Variants in ROBO1 observed in about 807,000 individuals in gnomAD.
ROBO1 encodes roundabout guidance receptor 1, also known as roundabout homolog 1.
In ROBO1, 149 loss-of-function variants were observed where a neutral mutation model predicts 195.9. The ratio of observed to expected loss-of-function variants is 0.76; its 90% CI spans 0.67 to 0.87. ROBO1 has a LOEUF of 0.87. ROBO1 is among the 40% of genes least tolerant of loss of function. The pLI is 0.00. For missense variants in ROBO1, 1,933 were observed against 2,068.3 expected, an observed-to-expected ratio of 0.93 and a Z score of 1.27; for synonymous variants, 816 against 733.2, an observed-to-expected ratio of 1.11 and a Z score of -1.82.
rs1207467874 is a variant in ROBO1 at position 78,696,656 on chromosome 3, ATATATATACACATATATATACATG to A, written c.1046-7908_1046-7885del. ...CATGCATATATATATATATATACAC[ATATATATACACATATATATACATG>A]TATACATACATATATATATACACAT... On this transcript the variant is annotated intron_variant, in intron 8 of 30. Transcript: ENST00000464233. Among the ~76,000 whole-genome samples the A allele has an allele frequency of 4.9e-3, 717 of 147,630 alleles. 11 individuals are homozygous for A. The highest frequency in any genetic ancestry group is 0.045 in the Admixed American group (666 of 14,720).
intron 2 of ROBO1, among the ~76,000 whole-genome samples, chr3:79,182,472 C>T (rs535563224): frequency 2.6e-5 from 4 of 152,066 alleles, no homozygotes; most frequent in South Asian, 2.1e-4. Context: ...TAGGGATTCA[C>T]GATTCAGAGA....
chr3:79,640,356 A>T (rs1220982494), intron 1 of ROBO1, among the ~76,000 whole-genome samples: 2 of 62,526 alleles, frequency 3.2e-5, no homozygotes, highest in Admixed American at 1.6e-4. Flanking sequence ...CATGTAAAAC[A>T]TGCTTTGCCT....
intron 4 of ROBO1, among the ~76,000 whole-genome samples, chr3:78,747,279 A>G (rs555704431): frequency 6.6e-6 from 1 of 152,294 alleles, no homozygotes; most frequent in East Asian, 1.9e-4. Context: ...GCCACAGGAT[A>G]ATGCTTTCTA....
Position 78,983,806 on chromosome 3 carries a change from T to C in ROBO1, c.173-44879A>G, listed in dbSNP as rs578123227. On this transcript the variant is annotated intron_variant, in intron 3 of 30. Transcript: ENST00000464233. The stretch of plus-strand genomic sequence containing the variant: ...ACTTGAGAAACTAGCGCCATCTTGG[T>C]TTCAGCTGGAGGGCGACTGGAGTGG... Among the ~76,000 whole-genome samples the C allele has an allele frequency of 3.3e-5, 5 of 152,222 alleles. No homozygotes were observed. In the South Asian group the frequency reaches 1.0e-3, roughly 32 times the overall value.
chr3:79,428,070 T>C lies in ROBO1; in HGVS notation c.88+161754A>G, dbSNP rs527414215. ...ATAAGGGATTAATAACCAGAATATA[T>C]GAGGAATTTATAAGGAGCTCAAACA... is the stretch of plus-strand genomic sequence containing the variant. On this transcript the variant is annotated intron_variant, in intron 2 of 30. Coordinates refer to ENST00000464233, the MANE Select transcript of ROBO1 (RefSeq NM_002941.4). 1.8e-4 allele frequency among the ~76,000 whole-genome samples: 27 copies of C among 152,146 alleles called. No individual in the cohort carries two copies. The South Asian group carries it at 5.6e-3, about 32-fold the overall frequency.
In ROBO1 at chr3:79,402,232, G is replaced by T. The variant is rs191878502; in HGVS notation, c.88+187592C>A. On this transcript the variant is annotated intron_variant, in intron 2 of 30. Transcript: ENST00000464233. ...TTAGATTTTTTCAATTTGGAGATAA[G>T]TTCTGATTCCATTAAAAATATATTC... Among the ~76,000 whole-genome samples, 434 of 151,930 alleles carry T rather than the reference G, an allele frequency of 2.9e-3. 2 individuals carry two copies. The highest frequency in any genetic ancestry group is 9.1e-3 in the African/African-American group (376 of 41,512).
chr3:78,648,395 C>A (rs1008165056), intron 19 of ROBO1, among the ~76,000 whole-genome samples: 1 of 151,974 alleles, frequency 6.6e-6, no homozygotes, highest in Non-Finnish European at 1.5e-5. Flanking sequence ...TAGAAGTAGG[C>A]TGGACATTCT....
intron 2 of ROBO1, among the ~76,000 whole-genome samples, chr3:79,585,536 C>T (rs1943801115): frequency 6.6e-6 from 1 of 151,942 alleles, no homozygotes; most frequent in Non-Finnish European, 1.5e-5. Flanking sequence ...CCAGTAGTGG[C>T]ATCAAATCTG....
At position 78,997,705 on chromosome 3, in the gene ROBO1, C is replaced by G. The variant is rs902965244; in HGVS notation, c.173-58778G>C. Among the ~76,000 whole-genome samples, 10 of 152,222 alleles carry G rather than the reference C, an allele frequency of 6.6e-5. No homozygotes were observed. The East Asian group carries it at 1.7e-3, about 26-fold the overall frequency. ...CACCACAGTAGCACACAGAAGGGGC[C>G]AACTCACCTAGACTTGAAGAATTGG... On this transcript the variant is annotated intron_variant, in intron 3 of 30. Coordinates refer to ENST00000464233, the MANE Select transcript of ROBO1 (RefSeq NM_002941.4).
chr3:79,730,740 CTG>C (rs1213101938), intron 1 of ROBO1, among the ~76,000 whole-genome samples: 1 of 146,478 alleles, frequency 6.8e-6, no homozygotes, highest in Non-Finnish European at 1.5e-5. Context: ...TTTGTAATCA[CTG>C]TGAAAATGTC....
chr3:79,445,766 A>G (rs554630551), intron 2 of ROBO1, among the ~76,000 whole-genome samples: 1 of 148,984 alleles, frequency 6.7e-6, no homozygotes, highest in South Asian at 2.1e-4. Context: ...GGTTCACACC[A>G]TTCTCCTGCC....
In ROBO1 at chr3:79,314,178, C is replaced by T. The variant is rs1476299392; in HGVS notation, c.89-188639G>A. Among the ~76,000 whole-genome samples, 7 of 152,122 alleles carry T rather than the reference C, an allele frequency of 4.6e-5. No homozygotes were observed. In the South Asian group the frequency reaches 8.3e-4, roughly 18 times the overall value. On this transcript the variant is annotated intron_variant, in intron 2 of 30. Coordinates refer to ENST00000464233, the MANE Select transcript of ROBO1 (RefSeq NM_002941.4). Reference sequence around the variant, plus strand: ...TTACTTGGATTTTGTTCTTCTCCCACCTCAAACATACATTTTAGGTTTTAT... The same window carrying T: ...TTACTTGGATTTTGTTCTTCTCCCATCTCAAACATACATTTTAGGTTTTAT...
At chr3:78,663,601 TG>T (rs1707558197) in intron 14 of ROBO1, among the ~76,000 whole-genome samples, 1 of 152,172 alleles carries the variant, frequency 6.6e-6, no homozygotes, top group South Asian at 2.1e-4. Context: ...CACGTAACAT[TG>T]GAACAATTTC....
intron 4 of ROBO1, among the ~76,000 whole-genome samples, chr3:78,912,850 T>C (rs964800879): frequency 1.3e-5 from 2 of 152,146 alleles, no homozygotes; most frequent in African/African-American, 4.8e-5. Context: ...GAATGTTATC[T>C]TTAGTTTGAA....
chr3:79,059,237 A>T (rs1212538642), intron 3 of ROBO1, among the ~76,000 whole-genome samples: 1 of 152,080 alleles, frequency 6.6e-6, no homozygotes, highest in Non-Finnish European at 1.5e-5. Flanking sequence ...ACATAACTAA[A>T]TTAAAGAAAC....
intron 2 of ROBO1, among the ~76,000 whole-genome samples, chr3:79,560,125 A>G (rs1196358841): frequency 6.6e-6 from 1 of 152,014 alleles, no homozygotes; most frequent in Admixed American, 6.6e-5. Context: ...GAATTTCTAT[A>G]TCAAGGAGAG....
chr3:79,519,427 G>A (rs113596516), intron 2 of ROBO1, among the ~76,000 whole-genome samples: 5 of 151,828 alleles, frequency 3.3e-5, no homozygotes, highest in African/African-American at 1.2e-4. Flanking sequence ...TCAGGAGATC[G>A]AGAGCATCCT....
At chr3:79,212,167 G>A (rs1457298543) in intron 2 of ROBO1, among the ~76,000 whole-genome samples, 1 of 152,118 alleles carries the variant, frequency 6.6e-6, no homozygotes, top group Non-Finnish European at 1.5e-5. Flanking sequence ...TCTCATTCCG[G>A]TAAACCCACA....
chr3:79,339,175 T>C (rs1330255066), intron 2 of ROBO1, among the ~76,000 whole-genome samples: 2 of 152,222 alleles, frequency 1.3e-5, no homozygotes, highest in Non-Finnish European at 2.9e-5. Flanking sequence ...AATAGTCCCC[T>C]GTCTCTTCTG....
Sources: gnomAD v4.1 joint callset for allele counts (sites outside exome capture counted in the v4.1 genomes callset) on GRCh38, gnomAD v4.1.1 for gene constraint, MANE v1.5 for transcripts, NCBI Gene and HGNC (gene_info 2026-07-23, HGNC 2026-07-21) for gene names.